PGM5: variants seen among roughly 807,000 people sequenced by gnomAD.
PGM5 encodes phosphoglucomutase 5, also known as phosphoglucomutase-like protein 5.
Under a neutral mutation model 59.2 loss-of-function variants are expected in PGM5, and 23 were observed. That is an observed-to-expected ratio of 0.39 (90% CI 0.28 to 0.55). The LOEUF is 0.55. Ranked by LOEUF, PGM5 falls within the 20% of genes least tolerant of loss-of-function variation. PGM5 has a pLI of 0.66. For missense variants in PGM5, 574 were observed against 748.3 expected, an observed-to-expected ratio of 0.77 and a Z score of 2.72; for synonymous variants, 214 against 286.0, an observed-to-expected ratio of 0.75 and a Z score of 2.54.
intron 6 of PGM5, among the ~76,000 whole-genome samples, chr9:68,420,536 C>T (rs11142179): frequency 0.53 from 80,386 of 151,960 alleles, 21,435 homozygotes; most frequent in South Asian, 0.57. Flanking sequence ...TAAACTGTCA[C>T]GTACTATACA....
At chr9:68,364,361 G>A (rs190213853) in intron 1 of PGM5, among the ~76,000 whole-genome samples, 2 of 152,330 alleles carry the variant, frequency 1.3e-5, no homozygotes, top group East Asian at 3.9e-4. Flanking sequence ...TTCTTGGGGT[G>A]GAAGAAAGAA....
intron 10 of PGM5, among the ~76,000 whole-genome samples, chr9:68,505,595 A>C (rs1298343094): frequency 1.3e-5 from 2 of 152,182 alleles, no homozygotes; most frequent in Non-Finnish European, 2.9e-5. Flanking sequence ...TTACTGGTTT[A>C]TTATAAAGGC....
chr9:68,380,509 T>C (rs1822040304), intron 2 of PGM5, among the ~76,000 whole-genome samples: 1 of 151,610 alleles, frequency 6.6e-6, no homozygotes, highest in South Asian at 2.1e-4. Flanking sequence ...AAGATCTAAA[T>C]AAGTAGACTA....
Position 68,410,529 on chromosome 9 carries a change from A to G in PGM5, c.1043+18056A>G, listed in dbSNP as rs182626082. Among the ~76,000 whole-genome samples the G allele has an allele frequency of 3.8e-3, 574 of 152,144 alleles. 2 individuals carry two copies. Among genetic ancestry groups the G allele is most frequent in the African/African-American group, 0.013 (547 of 41,488 alleles). ...TGCTGACATAAACTATCATGATGAT[A>G]TTTTTGATGATGGTGATGAGGATGA... On this transcript the variant is annotated intron_variant, in intron 6 of 10. Transcript: ENST00000396396.
intron 8 of PGM5, among the ~76,000 whole-genome samples, chr9:68,481,683 C>A (rs1242777725): frequency 2.6e-5 from 4 of 151,872 alleles, no homozygotes; most frequent in Non-Finnish European, 5.9e-5. Flanking sequence ...TTTTTGTGGC[C>A]AAGAGCTTAC....
chr9:68,371,445 G>A (rs1222441328), intron 1 of PGM5, among the ~76,000 whole-genome samples: 4 of 152,174 alleles, frequency 2.6e-5, no homozygotes, highest in Non-Finnish European at 4.4e-5. Context: ...GGTACTTTAA[G>A]GGATAATCTG....
At chr9:68,529,071 G>A (rs1210886565) in intron 10 of PGM5, among the ~76,000 whole-genome samples, 2 of 152,012 alleles carry the variant, frequency 1.3e-5, no homozygotes, top group East Asian at 1.9e-4. Flanking sequence ...TTTCTGCAAC[G>A]TTGGCCAATG....
chr9:68,409,838 C>A (rs1822892795), intron 6 of PGM5, among the ~76,000 whole-genome samples: 1 of 143,268 alleles, frequency 7.0e-6, no homozygotes, highest in Admixed American at 7.0e-5. Flanking sequence ...AACTAACCTG[C>A]ACAATGTGCA....
intron 6 of PGM5, among the ~76,000 whole-genome samples, chr9:68,423,650 T>C (rs1554682508): frequency 1.1e-5 from 1 of 90,424 alleles, no homozygotes; most frequent in Non-Finnish European, 2.5e-5. Context: ...TCTCTCTCTC[T>C]CTCTGTCTCT....
At chr9:68,508,741 A>T (rs966776572) in intron 10 of PGM5, among the ~76,000 whole-genome samples, 1 of 152,228 alleles carries the variant, frequency 6.6e-6, no homozygotes, top group African/African-American at 2.4e-5. Flanking sequence ...AGCTGTGTCC[A>T]GCACAATCTG....
chr9:68,521,905 C>G (rs969483161), intron 10 of PGM5, among the ~76,000 whole-genome samples: 2 of 152,154 alleles, frequency 1.3e-5, no homozygotes, highest in Non-Finnish European at 2.9e-5. Flanking sequence ...AGTGCTCTTG[C>G]TCTCTCCCCT....
intron 6 of PGM5, chr9:68,429,317 TCA>T (rs781912384): frequency 6.6e-6 from 1 of 152,194 alleles, no homozygotes; most frequent in Non-Finnish European, 1.5e-5. Flanking sequence ...CGTGGGAAGC[TCA>T]CTTTTTTTCT....
chr9:68,375,521 C>T (rs1354786652), intron 1 of PGM5, among the ~76,000 whole-genome samples: 2 of 152,290 alleles, frequency 1.3e-5, no homozygotes, highest in East Asian at 3.9e-4. Flanking sequence ...TGCTCTTGCC[C>T]CCCTTCAAGG....
intron 6 of PGM5, among the ~76,000 whole-genome samples, chr9:68,446,231 T>G (rs1326601380): frequency 6.6e-6 from 1 of 152,238 alleles, no homozygotes; most frequent in Non-Finnish European, 1.5e-5. Context: ...CAGTTGTGTA[T>G]TAAAACCAAT....
intron 7 of PGM5, among the ~76,000 whole-genome samples, chr9:68,474,543 G>C (rs782383352): frequency 2.6e-5 from 4 of 151,930 alleles, no homozygotes; most frequent in Admixed American, 1.3e-4. Flanking sequence ...TTTGAGTGGA[G>C]GGGGAACAGT....
Position 68,472,119 on chromosome 9 carries a change from CA to C in PGM5, c.1159+6913del, listed in dbSNP as rs782632420. 3.3e-5 allele frequency among the ~76,000 whole-genome samples: 5 copies of C among 152,274 alleles called. 1 individual carries two copies. The South Asian group carries it at 1.0e-3, about 32-fold the overall frequency. Reference sequence around the variant, plus strand: ...CTTGATGCCTCCTAAGTGATAGACACAATTCCTAGTGCCTCCTGTACTTTAT... The same window carrying C: ...CTTGATGCCTCCTAAGTGATAGACACATTCCTAGTGCCTCCTGTACTTTAT... On this transcript the variant is annotated intron_variant, in intron 7 of 10. Transcript: ENST00000396396.
At chr9:68,449,511 C>T (rs1554684210) in intron 6 of PGM5, among the ~76,000 whole-genome samples, 3 of 152,184 alleles carry the variant, frequency 2.0e-5, no homozygotes, top group Non-Finnish European at 4.4e-5. Flanking sequence ...CTGATGGGGA[C>T]CCCATGGTCA....
intron 6 of PGM5, chr9:68,398,388 A>G (rs1822569515): frequency 6.6e-6 from 1 of 152,118 alleles, no homozygotes; most frequent in Non-Finnish European, 1.5e-5. Flanking sequence ...AACCTGGTCT[A>G]AGGAACGGAT....
At chr9:68,475,883 T>C (rs1824094688) in intron 7 of PGM5, among the ~76,000 whole-genome samples, 1 of 152,102 alleles carries the variant, frequency 6.6e-6, no homozygotes, top group Non-Finnish European at 1.5e-5. Flanking sequence ...TAGCCAGGCA[T>C]GGTGGTGTGC....
Sources: gnomAD v4.1 joint callset for allele counts (sites outside exome capture counted in the v4.1 genomes callset) on GRCh38, gnomAD v4.1.1 for gene constraint, MANE v1.5 for transcripts, NCBI Gene and HGNC (gene_info 2026-07-23, HGNC 2026-07-21) for gene names.